Variants in AGMO observed in about 807,000 individuals in gnomAD.
AGMO encodes the protein alkylglycerol monooxygenase.
AGMO carries 75 observed loss-of-function variants against 60.2 expected under a neutral mutation model. The ratio of observed to expected loss-of-function variants is 1.25; its 90% CI spans 1.03 to 1.51. The LOEUF (loss-of-function observed/expected upper bound fraction) is 1.51. Among genes scored for constraint, AGMO ranks in the 40% most tolerant of loss-of-function variants. The pLI is 0.00. For synonymous variants in AGMO, 261 were observed against 177.1 expected, an observed-to-expected ratio of 1.47 and a Z score of -3.76; for missense variants, 763 against 525.5, an observed-to-expected ratio of 1.45 and a Z score of -4.42.
At chr7:15,298,973 C>T (rs533356931) in intron 12 of AGMO, among the ~76,000 whole-genome samples, 4 of 152,190 alleles carry the variant, frequency 2.6e-5, no homozygotes, top group Admixed American at 6.5e-5. Context: ...TGTCTGTTCT[C>T]GTTATTGTCC....
the AGMO span, among the ~76,000 whole-genome samples, chr7:15,139,555 T>C: frequency 6.6e-6 from 1 of 152,114 alleles, no homozygotes. Flanking sequence ...TGTAGTTCCC[T>C]TTTTTGTGTT....
At position 15,294,990 on chromosome 7, in the gene AGMO, A is replaced by C. The variant is rs553982331; in HGVS notation, c.1263+70524T>G. Among the ~76,000 whole-genome samples the C allele has an allele frequency of 2.0e-5, 3 of 151,978 alleles. No homozygotes were observed. The East Asian group carries it at 5.8e-4, about 29-fold the overall frequency. On this transcript the variant is annotated intron_variant, in intron 12 of 12. Transcript: ENST00000342526. Reference sequence around the variant, plus strand: ...ATTAAAAATTATGGAAGAAACTAAAATCTAATAGGGAACCAAATATATTTT... The same window carrying C: ...ATTAAAAATTATGGAAGAAACTAAACTCTAATAGGGAACCAAATATATTTT...
intron 3 of AGMO, among the ~76,000 whole-genome samples, chr7:15,531,363 T>C (rs868806109): frequency 1.1e-5 from 1 of 88,906 alleles, no homozygotes; most frequent in East Asian, 3.0e-4. Context: ...ATATTCTATA[T>C]ATATATTCTA....
At chr7:15,431,778 G>C (rs866895922) in intron 3 of AGMO, among the ~76,000 whole-genome samples, 2 of 151,584 alleles carry the variant, frequency 1.3e-5, no homozygotes, top group African/African-American at 4.8e-5. Flanking sequence ...TCATAAAAAA[G>C]GAAAATGATT....
chr7:15,204,646 G>A (rs78534452), intron 12 of AGMO, among the ~76,000 whole-genome samples: 19,243 of 152,068 alleles, frequency 0.13, 1,533 homozygotes, highest in East Asian at 0.33. Flanking sequence ...CATCATTAGT[G>A]GTCCTTGTCT....
intron 12 of AGMO, among the ~76,000 whole-genome samples, chr7:15,345,031 C>A (rs537702253): frequency 8.0e-4 from 122 of 152,218 alleles, no homozygotes; most frequent in African/African-American, 2.8e-3. Flanking sequence ...TCACATCTTT[C>A]CATGTTTACT....
intron 10 of AGMO, among the ~76,000 whole-genome samples, chr7:15,379,461 A>C (rs1036655512): frequency 2.6e-5 from 4 of 152,088 alleles, no homozygotes; most frequent in Admixed American, 6.6e-5. Context: ...TACAAACAAC[A>C]ATCAGAAAAT....
At chr7:15,442,807 C>A (rs947310757) in intron 3 of AGMO, among the ~76,000 whole-genome samples, 1 of 152,104 alleles carries the variant, frequency 6.6e-6, no homozygotes, top group Non-Finnish European at 1.5e-5. Context: ...ACCTGAGAAC[C>A]TAGCAGGCAG....
chr7:15,141,887 G>T, the AGMO span, among the ~76,000 whole-genome samples: 3 of 152,254 alleles, frequency 2.0e-5, no homozygotes, highest in Middle Eastern at 3.4e-3. Flanking sequence ...CACTCTGCCA[G>T]GTAACACAGC....
intron 12 of AGMO, among the ~76,000 whole-genome samples, chr7:15,356,554 T>A (rs1046631274): frequency 6.6e-6 from 1 of 151,984 alleles, no homozygotes; most frequent in African/African-American, 2.4e-5. Flanking sequence ...ATTAAAATCA[T>A]GGAAATGATA....
chr7:15,292,798 C>G (rs1293127940), intron 12 of AGMO, among the ~76,000 whole-genome samples: 2 of 124,260 alleles, frequency 1.6e-5, no homozygotes, highest in African/African-American at 6.6e-5. Context: ...ACTCTTGTCT[C>G]CCAAGCTGGA....
At chr7:15,128,445 A>G in the AGMO span, among the ~76,000 whole-genome samples, 2 of 152,272 alleles carry the variant, frequency 1.3e-5, no homozygotes, top group South Asian at 2.1e-4. Context: ...ATCAGTGCCT[A>G]TAAAACTGTT....
chr7:15,544,351 G>C (rs967238275), intron 3 of AGMO, among the ~76,000 whole-genome samples: 10 of 151,966 alleles, frequency 6.6e-5, no homozygotes. Context: ...ACCACTTGTT[G>C]CCCAAAAACC....
intron 10 of AGMO, among the ~76,000 whole-genome samples, chr7:15,372,569 C>T (rs908097897): frequency 6.6e-6 from 1 of 152,076 alleles, no homozygotes; most frequent in African/African-American, 2.4e-5. Context: ...AAAATCCCTG[C>T]CCTTGAATTC....
At chr7:15,136,733 T>C in the AGMO span, among the ~76,000 whole-genome samples, 2 of 152,112 alleles carry the variant, frequency 1.3e-5, no homozygotes, top group African/African-American at 4.8e-5. Context: ...ACCGCCTTTA[T>C]TGTTGTGTGA....
chr7:15,418,586 A>G lies in AGMO; in HGVS notation c.581T>C (p.Leu194Pro). ...SVYAVHLQFN[L>P]LYQFWIHTEV... ...TGTATGGATCCAAAATTGGTAAAGA[A>G]GATTGAATTGAAGATGAACAGCATA... The change falls in exon 5 of 13, where the codon CTT (leucine) becomes CCT (proline). Residue 194 changes from leucine to proline, a missense_variant. Physicochemically the swap from Leu to Pro is moderately conservative, Grantham distance 98. Coordinates refer to ENST00000342526, the MANE Select transcript of AGMO (RefSeq NM_001004320.2). 1.3e-6 allele frequency: 2 copies of G among 1,590,980 alleles called. No homozygotes were observed. The highest frequency in any genetic ancestry group is 1.7e-6 in the Non-Finnish European group (2 of 1,171,342).
chr7:15,540,030 T>A (rs1263954639), intron 3 of AGMO, among the ~76,000 whole-genome samples: 3 of 152,094 alleles, frequency 2.0e-5, no homozygotes, highest in Non-Finnish European at 2.9e-5. Flanking sequence ...ATATAAGGAA[T>A]TATTAACAGG....
At chr7:15,340,921 G>C (rs1035731247) in intron 12 of AGMO, among the ~76,000 whole-genome samples, 16 of 152,100 alleles carry the variant, frequency 1.1e-4, no homozygotes, top group African/African-American at 3.6e-4. Flanking sequence ...CTGACAGCTT[G>C]CACCATATGC....
At chr7:15,124,573 A>T in the AGMO span, among the ~76,000 whole-genome samples, 1 of 152,094 alleles carries the variant, frequency 6.6e-6, no homozygotes. Flanking sequence ...AAAATATTAA[A>T]TTTGCTGACA....
Sources: allele counts gnomAD v4.1 joint callset (sites outside exome capture counted in the v4.1 genomes callset), GRCh38; gene constraint gnomAD v4.1.1; transcripts MANE v1.5; gene names NCBI Gene and HGNC (gene_info 2026-07-23, HGNC 2026-07-21).